Variants in FRMD5 observed in about 807,000 individuals in gnomAD.
The protein encoded by FRMD5 is FERM domain-containing protein 5.
A neutral mutation model predicts 69.0 loss-of-function variants in FRMD5; 20 were observed. The observed-to-expected ratio is 0.29, with a 90% CI of 0.20 to 0.42. The LOEUF is 0.42. Among genes scored for constraint, FRMD5 ranks in the 10% least tolerant of loss-of-function variants. FRMD5 has a pLI of 1.00. For missense variants in FRMD5, 595 were observed against 708.6 expected (o/e 0.84, Z 1.82); for synonymous variants, 271 against 260.1 (o/e 1.04, Z -0.40).
intron 1 of FRMD5, among the ~76,000 whole-genome samples, chr15:43,929,024 T>C (rs1273916995): frequency 6.6e-6 from 1 of 152,238 alleles, no homozygotes; most frequent in African/African-American, 2.4e-5. Context: ...CAACAGTGCC[T>C]ATACATATTT....
At position 44,195,094 on chromosome 15, in the gene FRMD5, C is replaced by A; in HGVS notation, c.-40G>T. 1 of 1,411,174 alleles carries A rather than the reference C, an allele frequency of 7.1e-7. No individual in the cohort carries two copies. Among genetic ancestry groups the A allele is most frequent in the South Asian group, 1.3e-5 (1 of 74,946 alleles). 87.4% of individuals were successfully genotyped at this position (1,411,174 alleles called of 1,614,324 possible). ...GCCCGGGAGCGACGCGGCGGCGCTG[C>A]GGACCCTGGACCAGGCGTCCCTCAG... On this transcript the variant is annotated 5_prime_UTR_variant, in exon 1 of 14. Transcript: ENST00000417257.
rs146624694 is a variant in FRMD5, at chr15:43,903,285, C to A, written c.552-1023G>T. Among the ~76,000 whole-genome samples, 598 of 152,328 alleles carry A rather than the reference C, an allele frequency of 3.9e-3. 7 individuals are homozygous for A. Among genetic ancestry groups the A allele is most frequent in the African/African-American group, 0.014 (572 of 41,564 alleles). On this transcript the variant is annotated intron_variant, in intron 6 of 13. Transcript: ENST00000417257. ...CATCTCTGATGGCTGGTGGACAGGA[C>A]TGCACGTTGCTCGTTTCTAAGCTTA...
chr15:43,988,988 C>T, intron 1 of FRMD5: 2 of 703,180 alleles, frequency 2.8e-6, no homozygotes, highest in Non-Finnish European at 5.2e-6. Flanking sequence ...AAAGTCATGC[C>T]AATCTCATCT....
chr15:44,179,982 T>G (rs945467025), intron 1 of FRMD5, among the ~76,000 whole-genome samples: 1 of 146,712 alleles, frequency 6.8e-6, no homozygotes, highest in Non-Finnish European at 1.5e-5. Context: ...AAGGCTGCAG[T>G]GCACTGTGCT....
At chr15:44,000,191 T>C (rs962685386) in intron 1 of FRMD5, among the ~76,000 whole-genome samples, 3 of 151,778 alleles carry the variant, frequency 2.0e-5, no homozygotes, top group Non-Finnish European at 4.4e-5. Context: ...TCTTACTATA[T>C]TGCCCAGGGT....
At chr15:44,033,502 T>C (rs528344106) in intron 1 of FRMD5, among the ~76,000 whole-genome samples, 1 of 152,332 alleles carries the variant, frequency 6.6e-6, no homozygotes, top group East Asian at 1.9e-4. Context: ...TTTTTTGATA[T>C]AGCATAAATG....
At chr15:43,902,132 T>C in intron 7 of FRMD5, 43 bp downstream of exon 7, 1 of 1,459,694 alleles carries the variant, frequency 6.9e-7, no homozygotes, top group Non-Finnish European at 9.6e-7. Flanking sequence ...TGATGCCTTC[T>C]AGAGGAGGAA....
intron 1 of FRMD5, among the ~76,000 whole-genome samples, chr15:44,193,270 C>T (rs1253447975): frequency 1.3e-5 from 2 of 152,128 alleles, no homozygotes; most frequent in African/African-American, 4.8e-5. Flanking sequence ...CAAAAGTATT[C>T]TTAGGACTTA....
chr15:43,897,718 C>T (rs1158824402), intron 7 of FRMD5, among the ~76,000 whole-genome samples: 2 of 152,064 alleles, frequency 1.3e-5, no homozygotes, highest in African/African-American at 4.8e-5. Context: ...GGTGAACTTA[C>T]ATTAAATTTT....
At chr15:43,924,763 A>T (rs1310127519) in intron 1 of FRMD5, among the ~76,000 whole-genome samples, 1 of 152,174 alleles carries the variant, frequency 6.6e-6, no homozygotes, top group East Asian at 1.9e-4. Context: ...CCACTGCCAG[A>T]GCCTTCTAAC....
At chr15:44,025,538 C>A (rs1343391953) in intron 1 of FRMD5, among the ~76,000 whole-genome samples, 1 of 152,146 alleles carries the variant, frequency 6.6e-6, no homozygotes, top group Non-Finnish European at 1.5e-5. Context: ...AAGTCAACAT[C>A]AGAAGCAAGT....
chr15:43,962,808 G>A (rs1446028326), intron 1 of FRMD5, among the ~76,000 whole-genome samples: 3 of 152,186 alleles, frequency 2.0e-5, no homozygotes, highest in East Asian at 3.8e-4. Context: ...AATGGGGAAA[G>A]GATTCCCTAT....
intron 8 of FRMD5, among the ~76,000 whole-genome samples, chr15:43,889,740 C>A (rs2088750600): frequency 6.6e-6 from 1 of 152,180 alleles, no homozygotes; most frequent in Admixed American, 6.5e-5. Flanking sequence ...GCACTGGTTG[C>A]TCCTCACTTC....
At chr15:43,931,139 C>T (rs1220821922) in intron 1 of FRMD5, among the ~76,000 whole-genome samples, 6 of 152,144 alleles carry the variant, frequency 3.9e-5, no homozygotes, top group African/African-American at 1.2e-4. Context: ...GCAGACAACT[C>T]GTTCATCTTT....
At chr15:44,182,080 G>C (rs374721857) in intron 1 of FRMD5, among the ~76,000 whole-genome samples, 2 of 149,694 alleles carry the variant, frequency 1.3e-5, no homozygotes, top group African/African-American at 2.5e-5. Context: ...GTGCGATCTC[G>C]GCTCACTGCA....
At chr15:44,151,577 G>C (rs1369505844) in intron 1 of FRMD5, among the ~76,000 whole-genome samples, 3 of 152,010 alleles carry the variant, frequency 2.0e-5, no homozygotes, top group African/African-American at 7.2e-5. Flanking sequence ...TTCATTGGAT[G>C]AAACTACAAA....
chr15:43,924,484 G>A (rs980851351), intron 1 of FRMD5, among the ~76,000 whole-genome samples, 175 bp from the exon 2 acceptor site: 2 of 152,154 alleles, frequency 1.3e-5, no homozygotes, highest in African/African-American at 4.8e-5. Context: ...GGAATCCAGA[G>A]GCTTTTAGCA....
chr15:43,972,415 G>A (rs952049118), intron 1 of FRMD5, among the ~76,000 whole-genome samples: 2 of 152,194 alleles, frequency 1.3e-5, no homozygotes, highest in East Asian at 3.9e-4. Flanking sequence ...ATATAGCTGT[G>A]ACCATAGACT....
intron 1 of FRMD5, among the ~76,000 whole-genome samples, chr15:44,112,175 G>C (rs1434174904): frequency 6.6e-6 from 1 of 152,108 alleles, no homozygotes; most frequent in African/African-American, 2.4e-5. Flanking sequence ...AAAAATGTCA[G>C]AAGTCCCTGG....
Sources: gnomAD v4.1 joint callset for allele counts (sites outside exome capture counted in the v4.1 genomes callset) on GRCh38, gnomAD v4.1.1 for gene constraint, MANE v1.5 for transcripts, NCBI Gene and HGNC (gene_info 2026-07-23, HGNC 2026-07-21) for gene names.